The following PCGF6 variants were observed in gnomAD, a reference collection of about 807,000 sequenced individuals.
PCGF6 encodes polycomb group ring finger 6.
In PCGF6, 24 loss-of-function variants were observed where a neutral mutation model predicts 45.5. The ratio of observed to expected loss-of-function variants is 0.53; its 90% CI spans 0.38 to 0.74. PCGF6 has a LOEUF of 0.74. Among genes scored for constraint, PCGF6 ranks in the 30% least tolerant of loss-of-function variants. The probability of loss-of-function intolerance (pLI) is 0.00; values close to 1 mark genes in which losing one functional copy is unlikely to be tolerated. For missense variants in PCGF6, 356 were observed against 443.2 expected (o/e 0.80, Z 1.77); for synonymous variants, 152 against 162.1 (o/e 0.94, Z 0.47).
At chr10:103,319,405 C>T (rs12268583) in intron 8 of PCGF6, among the ~76,000 whole-genome samples, 68,453 of 151,796 alleles carry the variant, frequency 0.45, 15,633 homozygotes, top group South Asian at 0.64. Context: ...CCCGCCTCGG[C>T]CTCCCAAAGT....
At chr10:103,306,250 A>G (rs1397191830) in intron 9 of PCGF6, among the ~76,000 whole-genome samples, 1 of 151,996 alleles carries the variant, frequency 6.6e-6, no homozygotes, top group East Asian at 1.9e-4. Flanking sequence ...GGCAGGCGTC[A>G]ACACCCACCG....
chr10:103,334,904 C>T (rs1011106990), intron 6 of PCGF6, among the ~76,000 whole-genome samples: 8 of 152,162 alleles, frequency 5.3e-5, no homozygotes, highest in Non-Finnish European at 1.0e-4. Context: ...TCACAGAGGT[C>T]ATAACTTTCT....
In PCGF6 at chr10:103,345,016, G is replaced by A; in HGVS notation, c.782+8C>T. On this transcript the variant is annotated splice_region_variant and intron_variant, in intron 6 of 9. Coordinates refer to ENST00000369847, the MANE Select transcript of PCGF6 (RefSeq NM_001011663.2). ...TTAAGTTAAAAGGTAAATTTTTAGG[G>A]TACTCACCCAATGAACTCCAGTAAT... is the stretch of plus-strand genomic sequence containing the variant. 1.3e-6 allele frequency: 2 copies of A among 1,549,158 alleles called. No individual in the cohort carries two copies. Among genetic ancestry groups the A allele is most frequent in the Non-Finnish European group, 1.8e-6 (2 of 1,130,100 alleles).
At chr10:103,333,477 C>T (rs1413908671) in intron 7 of PCGF6, among the ~76,000 whole-genome samples, 2 of 152,080 alleles carry the variant, frequency 1.3e-5, no homozygotes, top group Admixed American at 6.6e-5. Context: ...TACAATGTTA[C>T]CTGTGATTTC....
intron 8 of PCGF6, among the ~76,000 whole-genome samples, chr10:103,321,937 C>G (rs1047403060): frequency 6.6e-5 from 10 of 151,112 alleles, no homozygotes; most frequent in Admixed American, 3.3e-4. Context: ...ACTCTGTCAC[C>G]CAGGCTGGAG....
At chr10:103,317,867 T>C (rs1048424716) in intron 8 of PCGF6, among the ~76,000 whole-genome samples, 5 of 151,602 alleles carry the variant, frequency 3.3e-5, no homozygotes, top group Non-Finnish European at 4.4e-5. Context: ...CAAGCAATTC[T>C]CCTGCCTCAG....
intron 8 of PCGF6, among the ~76,000 whole-genome samples, chr10:103,318,743 G>GA (rs960055960): frequency 4.8e-4 from 66 of 138,714 alleles, no homozygotes; most frequent in South Asian, 1.6e-3. Flanking sequence ...GACTCTGTCT[G>GA]AAAAAAAAAA....
chr10:103,331,350 C>T (rs370011390), intron 7 of PCGF6, among the ~76,000 whole-genome samples: 6 of 152,098 alleles, frequency 3.9e-5, no homozygotes, highest in Admixed American at 2.6e-4. Flanking sequence ...CTCTGCCCTC[C>T]GGGTTCAAGT....
In PCGF6 at chr10:103,351,042, C is replaced by T; in HGVS notation, c.25G>A (p.Ala9Thr). ...GTTTTGGCAGCGCCTACGCTGCCCGCCGTCACCACCGCGACCCCCTCCATG... is the reference window on the plus strand; with the variant it reads ...GTTTTGGCAGCGCCTACGCTGCCCGTCGTCACCACCGCGACCCCCTCCATG... Reference protein sequence around the residue: MEGVAVVTAGSVGAAKTEG... With the variant: MEGVAVVTTGSVGAAKTEG... The change falls in exon 1 of 10, where the codon GCG becomes ACG. Residue 9 changes from alanine to threonine, a missense_variant. Transcript: ENST00000369847. 1 of 1,390,990 alleles carries T rather than the reference C, an allele frequency of 7.2e-7. No homozygotes were observed. Among genetic ancestry groups the T allele is most frequent in the Non-Finnish European group, 9.3e-7 (1 of 1,072,070 alleles). 86.2% of individuals were successfully genotyped at this position (1,390,990 alleles called of 1,614,324 possible).
At position 103,333,921 on chromosome 10, in the gene PCGF6, A is replaced by G; in HGVS notation, c.810+4T>C. 1 of 1,560,798 alleles carries G rather than the reference A, an allele frequency of 6.4e-7. No homozygotes were observed. Among genetic ancestry groups the G allele is most frequent in the Non-Finnish European group, 8.6e-7 (1 of 1,158,026 alleles). On this transcript the variant is annotated splice_donor_region_variant and intron_variant, in intron 7 of 9. Transcript: ENST00000369847. ...TGAAATGAATGAAAAAAAAAGTAAAATACCTTAAAATGTCCCGTGCCTTCA... is the reference window on the plus strand; with the variant it reads ...TGAAATGAATGAAAAAAAAAGTAAAGTACCTTAAAATGTCCCGTGCCTTCA...
intron 1 of PCGF6, 102 bp from the exon 2 acceptor site, chr10:103,349,101 G>A (rs2093310458): frequency 6.2e-6 from 6 of 960,640 alleles, no homozygotes; most frequent in East Asian, 2.6e-5. Flanking sequence ...CAAGCTGAGT[G>A]CAGTGATGTC....
intron 6 of PCGF6, among the ~76,000 whole-genome samples, chr10:103,338,323 C>T (rs1321478317): frequency 6.6e-6 from 1 of 151,698 alleles, no homozygotes; most frequent in Non-Finnish European, 1.5e-5. Context: ...GCAGGCAGAC[C>T]ACGAGGTCAG....
At chr10:103,307,629 T>C (rs892546987) in intron 9 of PCGF6, among the ~76,000 whole-genome samples, 5 of 152,080 alleles carry the variant, frequency 3.3e-5, no homozygotes, top group South Asian at 2.1e-4. Context: ...CATGCCACCA[T>C]GCCCTGCCAG....
intron 9 of PCGF6, among the ~76,000 whole-genome samples, chr10:103,311,487 C>T (rs2093157175): frequency 6.7e-6 from 1 of 149,684 alleles, no homozygotes; most frequent in African/African-American, 2.5e-5. Flanking sequence ...CTCCGTTGCC[C>T]AAGCTGGAGT....
intron 6 of PCGF6, among the ~76,000 whole-genome samples, chr10:103,344,712 G>A (rs1271897565): frequency 3.3e-5 from 5 of 151,510 alleles, no homozygotes; most frequent in Admixed American, 6.6e-5. Context: ...ACAGGCACCC[G>A]CCACCACGCC....
At chr10:103,314,400 C>T (rs570894290) in intron 8 of PCGF6, 128 bp from the exon 9 acceptor site, 21 of 552,864 alleles carry the variant, frequency 3.8e-5, no homozygotes, top group East Asian at 1.9e-4. Context: ...ACTGATTAAA[C>T]GCTCTTGAAA....
At chr10:103,324,489 T>C (rs1487550390) in intron 8 of PCGF6, among the ~76,000 whole-genome samples, 4 of 152,096 alleles carry the variant, frequency 2.6e-5, no homozygotes, top group South Asian at 2.1e-4. Flanking sequence ...CTGGGCGCGG[T>C]GGCTTATGCC....
rs766035234 is a variant in PCGF6, at chr10:103,347,246, G to C, written c.665C>G (p.Pro222Arg). ...DFYKERGLEV[P>R]KPAVPQPVPS... ...TATACACCCAAACTTACCAGGTTTAGGTACTTCTAGACCTCTTTCTTTATA... is the reference window on the plus strand; with the variant it reads ...TATACACCCAAACTTACCAGGTTTACGTACTTCTAGACCTCTTTCTTTATA... The change falls in exon 5 of 10, where the codon CCT becomes CGT. Residue 222 changes from proline (P) to arginine (R), a missense_variant. Coordinates refer to ENST00000369847, the MANE Select transcript of PCGF6 (RefSeq NM_001011663.2). The C allele has an allele frequency of 3.1e-6, 5 of 1,605,762 alleles. No individual in the cohort carries two copies. The highest frequency in any genetic ancestry group is 4.3e-6 in the Non-Finnish European group (5 of 1,172,862).
rs113103280 is a variant in PCGF6, at chr10:103,345,508, C to CT, written c.674-377dup. On this transcript the variant is annotated intron_variant, in intron 5 of 9. Coordinates refer to ENST00000369847, the MANE Select transcript of PCGF6 (RefSeq NM_001011663.2). The stretch of plus-strand genomic sequence containing the variant: ...CATGATATAGGTACCAGTGCTACTG[C>CT]TTTTTTTTTTTTTCTTAACTAATAA... Among the ~76,000 whole-genome samples, 324 of 148,018 alleles carry CT rather than the reference C, an allele frequency of 2.2e-3. 1 individual carries two copies. Among genetic ancestry groups the CT allele is most frequent in the African/African-American group, 6.2e-3 (253 of 40,490 alleles).
Sources: allele counts gnomAD v4.1 joint callset (sites outside exome capture counted in the v4.1 genomes callset), GRCh38; gene constraint gnomAD v4.1.1; transcripts MANE v1.5; gene names NCBI Gene and HGNC (gene_info 2026-07-23, HGNC 2026-07-21).